Variants in GRIK4 observed in about 807,000 individuals in gnomAD.
The protein encoded by GRIK4 is glutamate receptor ionotropic, kainate 4.
Under a neutral mutation model 104.9 loss-of-function variants are expected in GRIK4, and 40 were observed. The ratio of observed to expected loss-of-function variants is 0.38; its 90% CI spans 0.30 to 0.50. The LOEUF (loss-of-function observed/expected upper bound fraction) is 0.50. Among genes scored for constraint, GRIK4 ranks in the 20% least tolerant of loss-of-function variants. The pLI is 0.93. For synonymous variants in GRIK4, 485 were observed against 524.9 expected, an observed-to-expected ratio of 0.92 and a Z score of 1.04; for missense variants, 1,047 against 1,308.1, an observed-to-expected ratio of 0.80 and a Z score of 3.08.
At chr11:120,619,069 T>C (rs1335995985) in intron 1 of GRIK4, among the ~76,000 whole-genome samples, 1 of 152,156 alleles carries the variant, frequency 6.6e-6, no homozygotes, top group African/African-American at 2.4e-5. Flanking sequence ...ACGCCAGCCC[T>C]TGAAATCCAC....
chr11:120,804,251 T>A (rs1408081903), intron 4 of GRIK4, among the ~76,000 whole-genome samples: 5 of 152,118 alleles, frequency 3.3e-5, no homozygotes. Context: ...CAAAAATAAG[T>A]AAACAAAACA....
chr11:120,725,942 A>G (rs1951021399), intron 3 of GRIK4, among the ~76,000 whole-genome samples: 1 of 152,238 alleles, frequency 6.6e-6, no homozygotes, highest in African/African-American at 2.4e-5. Context: ...TTATATACAA[A>G]TAAATGAATA....
intron 8 of GRIK4, among the ~76,000 whole-genome samples, 171 bp downstream of exon 8, chr11:120,837,015 T>C (rs1953591756): frequency 6.6e-6 from 1 of 152,194 alleles, no homozygotes; most frequent in Non-Finnish European, 1.5e-5. Flanking sequence ...CCAATAATTC[T>C]GAGCCACAGG....
At chr11:120,731,756 A>G (rs899109821) in intron 3 of GRIK4, among the ~76,000 whole-genome samples, 28 of 152,036 alleles carry the variant, frequency 1.8e-4, no homozygotes, top group African/African-American at 6.8e-4. Flanking sequence ...TGGTCTATTC[A>G]GGTTTTGGAT....
intron 1 of GRIK4, among the ~76,000 whole-genome samples, chr11:120,617,106 A>T (rs1949127240): frequency 6.6e-6 from 1 of 152,142 alleles, no homozygotes; most frequent in Non-Finnish European, 1.5e-5. Context: ...GTAAGTAGTG[A>T]TGTGTGTTTC....
intron 3 of GRIK4, among the ~76,000 whole-genome samples, chr11:120,785,321 G>C (rs1565350553): frequency 6.6e-6 from 1 of 152,174 alleles, no homozygotes. Context: ...GCTTTCAAAA[G>C]AGAACACATG....
chr11:120,974,063 A>G (rs1944521125), intron 19 of GRIK4, among the ~76,000 whole-genome samples: 1 of 152,124 alleles, frequency 6.6e-6, no homozygotes, highest in African/African-American at 2.4e-5. Context: ...GCATGCCACC[A>G]CACCCAGCTA....
Position 120,819,693 on chromosome 11 carries a change from C to A in GRIK4, c.346-62C>A. 6.6e-7 allele frequency: 1 copy of A among 1,512,676 alleles called. No individual in the cohort carries two copies. The allele number at this position is 1,512,676 out of a possible 1,614,324, so 93.7% of individuals were successfully genotyped here. ...CTCCACAACCTCAGCTCACTCATCC[C>A]TCTTTCTTCCTTTTCACCCACCTGG... is the stretch of plus-strand genomic sequence containing the variant. On this transcript the variant is annotated intron_variant, in intron 5 of 20. Transcript: ENST00000527524. This position sits in a 1 kb window ranked among gnomAD's most constrained non-coding sequence, Gnocchi z 4.3.
chr11:120,885,701 A>T (rs1383030337), intron 11 of GRIK4, among the ~76,000 whole-genome samples: 1 of 152,182 alleles, frequency 6.6e-6, no homozygotes, highest in Non-Finnish European at 1.5e-5. Context: ...AGAAATTCTT[A>T]AAATCACTTA....
chr11:120,957,591 A>ATTGTGTGTGTGTGTGTGTGTGTG (rs553062830), intron 16 of GRIK4, among the ~76,000 whole-genome samples: 53 of 136,526 alleles, frequency 3.9e-4, no homozygotes, highest in Admixed American at 7.1e-4. Flanking sequence ...GACAAAACAA[A>ATTGTGTGTGTGTGTGTGTGTGTG]TGTGTGTGTG....
rs934224654 is a variant in GRIK4, at chr11:120,902,394, G to A, written c.1273-2896G>A. 4.6e-5 allele frequency among the ~76,000 whole-genome samples: 7 copies of A among 152,114 alleles called. No homozygotes were observed. Among genetic ancestry groups the A allele is most frequent in the African/African-American group, 1.7e-4 (7 of 41,414 alleles). On this transcript the variant is annotated intron_variant, in intron 12 of 20. Transcript: ENST00000527524. This position sits in a 1 kb window ranked among gnomAD's most constrained non-coding sequence, Gnocchi z 4.5. ...GGCTTTCCAACGCGTCTCCAAGACCGGCCTTGTGTCTGTTCACTTTGAATA... is the reference window on the plus strand; with the variant it reads ...GGCTTTCCAACGCGTCTCCAAGACCAGCCTTGTGTCTGTTCACTTTGAATA...
chr11:120,587,931 T>C (rs1948689245), intron 1 of GRIK4, among the ~76,000 whole-genome samples: 1 of 152,152 alleles, frequency 6.6e-6, no homozygotes, highest in Non-Finnish European at 1.5e-5. Context: ...TCTTTCTAAT[T>C]CCATCCTGAT....
chr11:120,876,053 A>G (rs924513078), intron 11 of GRIK4, among the ~76,000 whole-genome samples: 1 of 151,862 alleles, frequency 6.6e-6, no homozygotes, highest in Non-Finnish European at 1.5e-5. Flanking sequence ...GTGGCTGAAC[A>G]AGGGAGCACA....
chr11:120,884,135 A>T (rs1393386280), intron 11 of GRIK4, among the ~76,000 whole-genome samples: 1 of 152,228 alleles, frequency 6.6e-6, no homozygotes, highest in Non-Finnish European at 1.5e-5. Context: ...CAGCTCTCCC[A>T]GTTTCTGTTC....
chr11:120,612,499 CAA>C (rs11333522), intron 1 of GRIK4, among the ~76,000 whole-genome samples: 41,139 of 147,294 alleles, frequency 0.28, 5,899 homozygotes, highest in Non-Finnish European at 0.32. Flanking sequence ...ACTTTTGAGG[CAA>C]AAAAAAAAAA....
At chr11:120,851,850 C>A (rs1380865590) in intron 8 of GRIK4, among the ~76,000 whole-genome samples, 8 of 152,298 alleles carry the variant, frequency 5.3e-5, no homozygotes, top group African/African-American at 1.7e-4. Flanking sequence ...GAGGCAGAGT[C>A]CACTGATTAA....
intron 13 of GRIK4, among the ~76,000 whole-genome samples, chr11:120,907,379 G>T (rs1942891870): frequency 6.6e-6 from 1 of 152,128 alleles, no homozygotes. Context: ...ACAAGGAGAG[G>T]AGTCTGGGAC....
intron 3 of GRIK4, among the ~76,000 whole-genome samples, chr11:120,793,790 A>G (rs1381497001): frequency 6.8e-6 from 1 of 146,446 alleles, no homozygotes; most frequent in Non-Finnish European, 1.5e-5. Flanking sequence ...GAGCTGGGCA[A>G]TGTTTAGAGG....
intron 1 of GRIK4, among the ~76,000 whole-genome samples, chr11:120,612,413 C>G (rs1011322261): frequency 1.3e-5 from 2 of 151,946 alleles, no homozygotes; most frequent in African/African-American, 4.8e-5. Context: ...ACTTCTGTGT[C>G]CTCATAATAC....
Sources: allele counts gnomAD v4.1 joint callset (sites outside exome capture counted in the v4.1 genomes callset), GRCh38; gene constraint gnomAD v4.1.1; non-coding constraint Gnocchi (gnomAD v3.1); transcripts MANE v1.5; gene names NCBI Gene and HGNC (gene_info 2026-07-23, HGNC 2026-07-21).